The following CRACD variants were observed in gnomAD, a reference collection of about 807,000 sequenced individuals.
The protein encoded by CRACD is capping protein inhibiting regulator of actin dynamics.
CRACD carries 56 observed loss-of-function variants against 106.8 expected under a neutral mutation model. That is an observed-to-expected ratio of 0.52 (90% CI 0.42 to 0.66). The LOEUF (loss-of-function observed/expected upper bound fraction) is 0.66. CRACD is among the 30% of genes least tolerant of loss of function. CRACD has a pLI of 0.00. For missense variants in CRACD, 1,730 were observed against 1,623.2 expected (o/e 1.07, Z -1.13); for synonymous variants, 754 against 670.8 (o/e 1.12, Z -1.92).
At chr4:56,130,263 CA>C (rs556950285) in intron 1 of CRACD, among the ~76,000 whole-genome samples, 8 of 151,446 alleles carry the variant, frequency 5.3e-5, no homozygotes, top group South Asian at 2.1e-4. Context: ...AACCCTGTCT[CA>C]AAAAAAACCC....
chr4:56,317,745 A>G (rs923251645), intron 8 of CRACD, among the ~76,000 whole-genome samples: 2 of 146,344 alleles, frequency 1.4e-5, no homozygotes, highest in African/African-American at 2.5e-5. Flanking sequence ...GGGTCCCTCC[A>G]TCCCCCCACC....
chr4:56,089,562 G>A (rs974643455), intron 1 of CRACD, among the ~76,000 whole-genome samples: 4 of 146,354 alleles, frequency 2.7e-5, no homozygotes, highest in Admixed American at 2.1e-4. Flanking sequence ...TGCCCAGGCT[G>A]GAGTGCAATG....
rs373695588 is a variant in CRACD, at chr4:56,224,759, A to G, written c.-189+45329A>G. On this transcript the variant is annotated intron_variant, in intron 2 of 10. Transcript: ENST00000682029. The stretch of plus-strand genomic sequence containing the variant: ...CATGTACATACTTAATCCTGCTTCA[A>G]ACATGTTTTTTCTTCAGTTGCTAGT... Among the ~76,000 whole-genome samples the G allele has an allele frequency of 1.5e-4, 23 of 152,288 alleles. No individual in the cohort carries two copies. In the East Asian group the frequency reaches 4.1e-3, roughly 27 times the overall value.
At chr4:56,172,760 A>G (rs2109424576) in intron 1 of CRACD, among the ~76,000 whole-genome samples, 1 of 152,170 alleles carries the variant, frequency 6.6e-6, no homozygotes, top group Non-Finnish European at 1.5e-5. Flanking sequence ...AGCAGCTGGG[A>G]CTACAGTTGC....
intron 2 of CRACD, among the ~76,000 whole-genome samples, chr4:56,182,721 A>G (rs771776223): frequency 6.6e-5 from 10 of 152,218 alleles, no homozygotes; most frequent in Admixed American, 1.3e-4. Flanking sequence ...TCCTTCTAGC[A>G]TGACAGACTT....
In CRACD at chr4:56,314,054, G is replaced by A. The variant is rs771231835; in HGVS notation, c.552G>A (p.Glu184=). The change falls in exon 8 of 11, where the codon GAG becomes GAA. Residue 184 remains glutamate (E), a synonymous_variant. Transcript: ENST00000682029. The surrounding 1 kb of genome is among the most constrained non-coding windows in gnomAD (Gnocchi z 4.4). ...HRRLAQDPQH[E]QGGLESRPCL... is the part of the protein sequence containing the mutation. ...TCCAATGTTAGGATCCACAACATGA[G>A]CAAGGCGGCCTTGAGAGTCGGCCCT... is the stretch of plus-strand genomic sequence containing the variant. 1 of 1,613,676 alleles carries A rather than the reference G, an allele frequency of 6.2e-7. No homozygotes were observed. Among genetic ancestry groups the A allele is most frequent in the Non-Finnish European group, 8.5e-7 (1 of 1,179,802 alleles).
chr4:56,066,516 T>C (rs1732471397), intron 1 of CRACD, among the ~76,000 whole-genome samples: 1 of 152,066 alleles, frequency 6.6e-6, no homozygotes, highest in Non-Finnish European at 1.5e-5. Context: ...GCACTCCAGC[T>C]TGGGTGACAG....
chr4:56,323,507 G>A lies in CRACD; in HGVS notation c.3318G>A (p.Thr1106=), dbSNP rs748676505. Reference sequence around the variant, plus strand: ...AGGGGTTTCGGGAGCAGCAGGCGACGCGGGAGGAGAGAAAGCAAGCCAGAG... The same window carrying A: ...AGGGGTTTCGGGAGCAGCAGGCGACACGGGAGGAGAGAAAGCAAGCCAGAG... ...KQKGFREQQA[T]REERKQAREA... is the part of the protein sequence containing the mutation. The change falls in exon 9 of 11, where the codon ACG becomes ACA. Residue 1106 remains threonine, a synonymous_variant. Coordinates refer to ENST00000682029, the MANE Select transcript of CRACD (RefSeq NM_001393381.1). 8.7e-6 allele frequency: 14 copies of A among 1,607,306 alleles called. No homozygotes were observed. In the Admixed American group the frequency reaches 1.6e-4, roughly 18 times the overall value.
intron 2 of CRACD, among the ~76,000 whole-genome samples, chr4:56,268,082 T>C (rs1219634360): frequency 6.6e-6 from 1 of 152,334 alleles, no homozygotes; most frequent in African/African-American, 2.4e-5. Flanking sequence ...GATGTCACCA[T>C]TCACAACAGT....
In CRACD at chr4:56,308,616, G is replaced by C. The variant is rs949908863; in HGVS notation, c.285+917G>C. Among the ~76,000 whole-genome samples, 6 of 152,206 alleles carry C rather than the reference G, an allele frequency of 3.9e-5. No homozygotes were observed. The East Asian group carries it at 1.2e-3, about 29-fold the overall frequency. ...TCAACTGATGTGTCATGAGAGTAGT[G>C]AGAAAGACGAGTGATTTGCAGAGGC... On this transcript the variant is annotated intron_variant, in intron 5 of 10. Coordinates refer to ENST00000682029, the MANE Select transcript of CRACD (RefSeq NM_001393381.1).
chr4:56,241,583 C>G (rs1159183366), intron 2 of CRACD, among the ~76,000 whole-genome samples: 1 of 152,082 alleles, frequency 6.6e-6, no homozygotes, highest in Non-Finnish European at 1.5e-5. Context: ...TTAATAGATG[C>G]TAGGAATGTA....
chr4:56,145,478 TA>T (rs1735349792), intron 1 of CRACD, among the ~76,000 whole-genome samples: 1 of 152,244 alleles, frequency 6.6e-6, no homozygotes, highest in Non-Finnish European at 1.5e-5. Flanking sequence ...GACCATCTGT[TA>T]ATATCTCCTG....
chr4:56,114,007 A>G (rs1287262747), intron 1 of CRACD, among the ~76,000 whole-genome samples: 1 of 152,026 alleles, frequency 6.6e-6, no homozygotes, highest in Non-Finnish European at 1.5e-5. Flanking sequence ...TATTAATTAT[A>G]TATAGAATTA....
At position 56,315,446 on chromosome 4, in the gene CRACD, C is replaced by T. The variant is rs768422976; in HGVS notation, c.1944C>T (p.Gly648=). The stretch of plus-strand genomic sequence containing the variant: ...GAGGCCCCGGCGACGCGAGGGCGGG[C>T]AGCGGGAAGGCTAAGCCCCGCCAGG... ...PPRGPGDARA[G]SGKAKPRQES... is the part of the protein sequence containing the mutation. Residue 648 remains glycine (G), a synonymous_variant, in exon 8 of 11, where the codon GGC becomes GGT. Transcript: ENST00000682029. This position sits in a 1 kb window ranked among gnomAD's most constrained non-coding sequence, Gnocchi z 4.1. The T allele has an allele frequency of 1.2e-6, 2 of 1,612,914 alleles. No homozygotes were observed. Among genetic ancestry groups the T allele is most frequent in the Non-Finnish European group, 1.7e-6 (2 of 1,179,750 alleles).
At chr4:56,307,071 C>CTT (rs1265444651) in intron 4 of CRACD, among the ~76,000 whole-genome samples, 70 of 152,318 alleles carry the variant, frequency 4.6e-4, no homozygotes, top group Non-Finnish European at 5.3e-4. Context: ...CCCAAAGGGG[C>CTT]TGGAGAGTTG....
intron 1 of CRACD, among the ~76,000 whole-genome samples, chr4:56,075,003 T>C (rs554037865): frequency 1.3e-5 from 2 of 152,360 alleles, no homozygotes; most frequent in South Asian, 2.1e-4. Flanking sequence ...GATTTGTGTA[T>C]GTTAAACCTG....
At chr4:56,079,877 G>C (rs1431405283) in intron 1 of CRACD, among the ~76,000 whole-genome samples, 1 of 152,182 alleles carries the variant, frequency 6.6e-6, no homozygotes, top group African/African-American at 2.4e-5. Context: ...CATTGGGCCA[G>C]TTTAATCATT....
At chr4:56,163,603 A>G (rs974890866) in intron 1 of CRACD, among the ~76,000 whole-genome samples, 1 of 152,204 alleles carries the variant, frequency 6.6e-6, no homozygotes, top group Non-Finnish European at 1.5e-5. Flanking sequence ...AATGGGACCA[A>G]ATTGCTTTTA....
At chr4:56,142,034 A>C (rs1735221087) in intron 1 of CRACD, among the ~76,000 whole-genome samples, 1 of 152,202 alleles carries the variant, frequency 6.6e-6, no homozygotes, top group Non-Finnish European at 1.5e-5. Context: ...TGAAAGTAAT[A>C]GGTGTTCATT....
Sources: allele counts gnomAD v4.1 joint callset (sites outside exome capture counted in the v4.1 genomes callset), GRCh38; gene constraint gnomAD v4.1.1; non-coding constraint Gnocchi (gnomAD v3.1); transcripts MANE v1.5; gene names NCBI Gene and HGNC (gene_info 2026-07-23, HGNC 2026-07-21).